Variants in WFDC13 observed in about 807,000 individuals in gnomAD.
The protein encoded by WFDC13 is WAP four-disulfide core domain protein 13.
A neutral mutation model predicts 10.9 loss-of-function variants in WFDC13; 6 were observed. That is an observed-to-expected ratio of 0.55 (90% CI 0.30 to 1.09). The LOEUF is 1.09. WFDC13 is among the 50% of genes least tolerant of loss of function. WFDC13 has a pLI of 0.06. For synonymous variants in WFDC13, 38 were observed against 39.5 expected (o/e 0.96, Z 0.14); for missense variants, 104 against 109.6 (o/e 0.95, Z 0.23).
chr20:45,704,066 C>G (rs1311331006), intron 1 of WFDC13, among the ~76,000 whole-genome samples: 1 of 152,168 alleles, frequency 6.6e-6, no homozygotes, highest in Non-Finnish European at 1.5e-5. Context: ...ACAACTTGCT[C>G]AAGACCACAC....
chr20:45,704,779 C>G, intron 2 of WFDC13, 185 bp downstream of exon 2: 1 of 1,274,162 alleles, frequency 7.8e-7, no homozygotes, highest in Non-Finnish European at 1.1e-6. Flanking sequence ...TAGAAAAGCC[C>G]TCCTCCCCTC....
chr20:45,703,069 G>A (rs1444579730), intron 1 of WFDC13, among the ~76,000 whole-genome samples: 1 of 152,188 alleles, frequency 6.6e-6, no homozygotes, highest in African/African-American at 2.4e-5. Context: ...TGGAGAATCA[G>A]AATTTGAGGA....
intron 3 of WFDC13, among the ~76,000 whole-genome samples, chr20:45,706,241 C>T (rs995471815): frequency 1.5e-4 from 23 of 152,190 alleles, no homozygotes; most frequent in African/African-American, 5.3e-4. Context: ...GGGTTGACAG[C>T]ACCCTGGGCA....
chr20:45,702,387 G>T (rs574053343), intron 1 of WFDC13, among the ~76,000 whole-genome samples, 176 bp downstream of exon 1: 1 of 152,338 alleles, frequency 6.6e-6, no homozygotes, highest in South Asian at 2.1e-4. Context: ...GTGACCTTGG[G>T]CATAGTATCT....
At position 45,702,080 on chromosome 20, in the gene WFDC13, C is replaced by T; in HGVS notation, c.-44C>T. The stretch of plus-strand genomic sequence containing the variant: ...CCTCACAGCAGTGCCTGGTCAAACC[C>T]AGCAACCCTTGGCCAGAACTTACTC... On this transcript the variant is annotated 5_prime_UTR_variant, in exon 1 of 4. Coordinates refer to ENST00000305479, the MANE Select transcript of WFDC13 (RefSeq NM_172005.2). 2 of 1,586,284 alleles carry T rather than the reference C, an allele frequency of 1.3e-6. No individual in the cohort carries two copies. The highest frequency in any genetic ancestry group is 1.7e-6 in the Non-Finnish European group (2 of 1,163,342).
At chr20:45,703,806 G>A (rs569750907) in intron 1 of WFDC13, among the ~76,000 whole-genome samples, 76 of 152,244 alleles carry the variant, frequency 5.0e-4, no homozygotes, top group African/African-American at 1.8e-3. Context: ...CCTCCTGATC[G>A]AGAGACACCA....
At chr20:45,702,687 G>C (rs754651594) in intron 1 of WFDC13, among the ~76,000 whole-genome samples, 3 of 152,184 alleles carry the variant, frequency 2.0e-5, no homozygotes, top group African/African-American at 4.8e-5. Flanking sequence ...AGGAAGTCTT[G>C]CCTTTTATTC....
intron 2 of WFDC13, chr20:45,705,058 G>T: frequency 1.3e-6 from 2 of 1,508,324 alleles, no homozygotes; most frequent in African/African-American, 1.4e-5. Context: ...TAATTGTCCA[G>T]ACATTAACAC....
intron 2 of WFDC13, 128 bp downstream of exon 2, chr20:45,704,722 A>G (rs2145645771): frequency 7.0e-7 from 1 of 1,430,306 alleles, no homozygotes; most frequent in Non-Finnish European, 9.4e-7. Flanking sequence ...CATGTTGCCA[A>G]CATGCCCCTT....
intron 2 of WFDC13, chr20:45,705,250 TGCTTTGCAAG>T: frequency 2.0e-6 from 1 of 490,318 alleles, no homozygotes; most frequent in Non-Finnish European, 3.7e-6. Context: ...TGTTTTTTCC[TGCTTTGCAAG>T]GCCCATATGA....
chr20:45,705,070 A>AAATGTTAAT (rs1203593473), intron 2 of WFDC13: 13 of 1,385,610 alleles, frequency 9.4e-6, no homozygotes, highest in Middle Eastern at 1.8e-4. Flanking sequence ...CATTAACACT[A>AAATGTTAAT]GCCGCAAGCC....
chr20:45,702,729 T>G (rs1271561800), intron 1 of WFDC13, among the ~76,000 whole-genome samples: 1 of 152,154 alleles, frequency 6.6e-6, no homozygotes, highest in Admixed American at 6.5e-5. Flanking sequence ...TACTGTACAA[T>G]TACCGGTAAT....
chr20:45,704,604 A>T lies in WFDC13; in HGVS notation c.239+10A>T, dbSNP rs1159207375. 6.2e-7 allele frequency: 1 copy of T among 1,613,354 alleles called. No homozygotes were observed. The highest frequency in any genetic ancestry group is 1.3e-5 in the African/African-American group (1 of 74,802). ...TTCAAAAGCGCAACAGGTAAGAGAT[A>T]TCTCATATCCAGGTCTGATCCTAGA... is the stretch of plus-strand genomic sequence containing the variant. On this transcript the variant is annotated intron_variant, in intron 2 of 3. Coordinates refer to ENST00000305479, the MANE Select transcript of WFDC13 (RefSeq NM_172005.2).
rs1239811832 is a variant in WFDC13, at chr20:45,708,534, A to G, written c.*699A>G. On this transcript the variant is annotated 3_prime_UTR_variant, in exon 4 of 4. Transcript: ENST00000305479. ...GGAAATAATCTTTCCTAAACTACCA[A>G]TAATAACTTTAAATTTTTGATCAAC... The G allele has an allele frequency of 6.6e-6, 1 of 152,124 alleles. No individual in the cohort carries two copies. Among genetic ancestry groups the G allele is most frequent in the Non-Finnish European group, 1.5e-5 (1 of 68,038 alleles). The allele number at this position is 152,124 out of a possible 1,614,324, so 9.4% of individuals were successfully genotyped here.
rs138557858 is a variant in WFDC13, at chr20:45,705,640, C to T, written c.240-223C>T. On this transcript the variant is annotated intron_variant, in intron 2 of 3. Coordinates refer to ENST00000305479, the MANE Select transcript of WFDC13 (RefSeq NM_172005.2). ...ACCACTTCTCTTTGAAGAGACTAGC[C>T]CTTGCAATTAAATTCCACATCTTTC... Among the ~76,000 whole-genome samples the T allele has an allele frequency of 1.8e-3, 268 of 152,264 alleles. 2 individuals carry two copies. Among genetic ancestry groups the T allele is most frequent in the African/African-American group, 5.8e-3 (240 of 41,548 alleles).
Position 45,702,177 on chromosome 20 carries a change from G to C in WFDC13, c.54G>C (p.Gln18His). Residue 18 changes from glutamine to histidine, a missense_variant, in exon 1 of 4, where the codon CAG (glutamine) becomes CAC (histidine). Transcript: ENST00000305479. ...QFLVVFCLALQLVPGSPKQRV... is the reference protein window; with the variant it reads ...QFLVVFCLALHLVPGSPKQRV... ...TGGTGGTGTTCTGCCTAGCACTGCAGCTGGTGCCTGGGAGTCCCAAGCAGC... is the reference window on the plus strand; with the variant it reads ...TGGTGGTGTTCTGCCTAGCACTGCACCTGGTGCCTGGGAGTCCCAAGCAGC... The C allele has an allele frequency of 6.2e-7, 1 of 1,613,310 alleles. No individual in the cohort carries two copies.
intron 2 of WFDC13, chr20:45,705,026 C>G (rs776601333): frequency 6.2e-7 from 1 of 1,606,012 alleles, no homozygotes; most frequent in Non-Finnish European, 8.5e-7. Context: ...CTCTGGAGAT[C>G]CAGCCCAAAG....
chr20:45,707,503 T>C (rs923072161), intron 3 of WFDC13, among the ~76,000 whole-genome samples: 2 of 152,218 alleles, frequency 1.3e-5, no homozygotes, highest in African/African-American at 4.8e-5. Flanking sequence ...TCCTTAGCCT[T>C]ATTTTCCATT....
Position 45,702,092 on chromosome 20 carries a change from G to T in WFDC13, c.-32G>T. On this transcript the variant is annotated 5_prime_UTR_variant, in exon 1 of 4. Transcript: ENST00000305479. Reference sequence around the variant, plus strand: ...GCCTGGTCAAACCCAGCAACCCTTGGCCAGAACTTACTCACCCATCCCACT... The same window carrying T: ...GCCTGGTCAAACCCAGCAACCCTTGTCCAGAACTTACTCACCCATCCCACT... 6.2e-7 allele frequency: 1 copy of T among 1,602,406 alleles called. No individual in the cohort carries two copies.
Sources: allele counts gnomAD v4.1 joint callset (sites outside exome capture counted in the v4.1 genomes callset), GRCh38; gene constraint gnomAD v4.1.1; transcripts MANE v1.5; gene names NCBI Gene and HGNC (gene_info 2026-07-23, HGNC 2026-07-21).